CYFIP2: variants seen among roughly 807,000 people sequenced by gnomAD.
The protein encoded by CYFIP2 is cytoplasmic FMR1-interacting protein 2.
A neutral mutation model predicts 158.7 loss-of-function variants in CYFIP2; 29 were observed. That is an observed-to-expected ratio of 0.18 (90% CI 0.14 to 0.25). CYFIP2 has a LOEUF of 0.25. Ranked by LOEUF, CYFIP2 falls within the 10% of genes least tolerant of loss-of-function variation. The probability of loss-of-function intolerance (pLI) is 1.00; values close to 1 mark genes in which losing one functional copy is unlikely to be tolerated. For synonymous variants in CYFIP2, 585 were observed against 617.6 expected, an observed-to-expected ratio of 0.95 and a Z score of 0.78; for missense variants, 852 against 1,639.5, an observed-to-expected ratio of 0.52 and a Z score of 8.29.
intron 19 of CYFIP2, 81 bp downstream of exon 19, chr5:157,328,130 C>A: frequency 1.5e-6 from 2 of 1,364,530 alleles, no homozygotes; most frequent in East Asian, 2.4e-5. Context: ...TGAAACCTCC[C>A]TTCTTCTTTA....
At chr5:157,342,551 C>A in intron 23 of CYFIP2, 1 of 253,096 alleles carries the variant, frequency 4.0e-6, no homozygotes, top group Non-Finnish European at 7.5e-6. Context: ...ATTTGTCATG[C>A]AAATTTTTGC....
At chr5:157,366,585 C>G (rs994302239) in intron 26 of CYFIP2, among the ~76,000 whole-genome samples, 3 of 152,168 alleles carry the variant, frequency 2.0e-5, no homozygotes, top group Non-Finnish European at 4.4e-5. Flanking sequence ...TGTTCTGGCA[C>G]CACTTCTTGA....
At chr5:157,370,592 A>T (rs1318127032) in intron 26 of CYFIP2, among the ~76,000 whole-genome samples, 1 of 152,228 alleles carries the variant, frequency 6.6e-6, no homozygotes, top group Non-Finnish European at 1.5e-5. Context: ...AGACTTTCTC[A>T]TTAAGGTTGT....
intron 13 of CYFIP2, among the ~76,000 whole-genome samples, chr5:157,318,936 C>T (rs1244792573): frequency 6.6e-6 from 1 of 152,198 alleles, no homozygotes; most frequent in African/African-American, 2.4e-5. Flanking sequence ...GGTTTTCACC[C>T]AAGGCCACAC....
intron 1 of CYFIP2, among the ~76,000 whole-genome samples, chr5:157,272,057 A>G (rs1200877001): frequency 1.3e-5 from 2 of 152,230 alleles, no homozygotes; most frequent in African/African-American, 4.8e-5. Flanking sequence ...TGGTGTCACC[A>G]CAAAGGCCAC....
Position 157,343,516 on chromosome 5 carries a change from G to A in CYFIP2, c.2673+2359G>A, listed in dbSNP as rs141876044. 2.5e-6 allele frequency: 4 copies of A among 1,571,974 alleles called. No individual in the cohort carries two copies. The African/African-American group carries it at 5.4e-5, about 21-fold the overall frequency. ...AGATGATGGCTCCTGTATAAGAAAT[G>A]TTCCCCACCTCGATGTTCATCCCGA... On this transcript the variant is annotated intron_variant, in intron 23 of 30. Transcript: ENST00000620254.
At chr5:157,272,869 C>CTATT (rs1333793644) in intron 1 of CYFIP2, among the ~76,000 whole-genome samples, 1 of 151,992 alleles carries the variant, frequency 6.6e-6, no homozygotes, top group East Asian at 1.9e-4. Flanking sequence ...TTTTATTTAT[C>CTATT]TATTTATTTA....
At chr5:157,388,413 G>A (rs1428531024) in intron 28 of CYFIP2, among the ~76,000 whole-genome samples, 1 of 152,184 alleles carries the variant, frequency 6.6e-6, no homozygotes, top group African/African-American at 2.4e-5. Context: ...TCATGGGCAA[G>A]TTTTAAAAGT....
chr5:157,300,716 G>A lies in CYFIP2; in HGVS notation c.389G>A (p.Arg130His). 1 of 1,588,028 alleles carries A rather than the reference G, an allele frequency of 6.3e-7. No homozygotes were observed. Among genetic ancestry groups the A allele is most frequent in the Non-Finnish European group, 8.6e-7 (1 of 1,165,902 alleles). Residue 130 changes from arginine (R) to histidine (H), a missense_variant and splice_region_variant, in exon 6 of 31, where the codon CGC becomes CAC. Coordinates refer to ENST00000620254, the MANE Select transcript of CYFIP2 (RefSeq NM_001037333.3). ...TKLMKFMYFQ[R>H]KAIERFCSEV... ...TACTCACTGCCCCTCTGCCCCCAGC[G>A]CAAGGCCATCGAGCGGTTCTGCAGC...
intron 26 of CYFIP2, among the ~76,000 whole-genome samples, chr5:157,373,391 C>G (rs975795528): frequency 6.6e-6 from 1 of 152,152 alleles, no homozygotes; most frequent in Admixed American, 6.5e-5. Flanking sequence ...CTTCAGCCCC[C>G]CAGAAAGAGC....
In CYFIP2 at chr5:157,311,397, A is replaced by G. The variant is rs1172741941; in HGVS notation, c.993-267A>G. 4 of 498,044 alleles carry G rather than the reference A, an allele frequency of 8.0e-6. No individual in the cohort carries two copies. Among genetic ancestry groups the G allele is most frequent in the Non-Finnish European group, 1.5e-5 (4 of 273,452 alleles). The allele number at this position is 498,044 out of a possible 1,614,324, so 30.9% of individuals were successfully genotyped here. On this transcript the variant is annotated intron_variant, in intron 10 of 30. Coordinates refer to ENST00000620254, the MANE Select transcript of CYFIP2 (RefSeq NM_001037333.3). The surrounding 1 kb of genome is among the most constrained non-coding windows in gnomAD (Gnocchi z 4.7). ...TCCCGCCCCTCTCATATTACTGGTA[A>G]GTATTATGGACCAGGTATCTGGAAA... is the stretch of plus-strand genomic sequence containing the variant.
chr5:157,362,515 C>G (rs1177601578), intron 26 of CYFIP2: 1 of 152,274 alleles, frequency 6.6e-6, no homozygotes, highest in Non-Finnish European at 1.5e-5. Flanking sequence ...TAGCTAGGTG[C>G]CTGGAATTTC....
In CYFIP2 at chr5:157,286,365, C is replaced by CAT. The variant is rs550556220; in HGVS notation, c.118-644_118-643dup. Among the ~76,000 whole-genome samples the CAT allele has an allele frequency of 1.9e-3, 279 of 149,036 alleles. 2 individuals carry two copies. Among genetic ancestry groups the CAT allele is most frequent in the African/African-American group, 5.6e-3 (229 of 40,740 alleles). The stretch of plus-strand genomic sequence containing the variant: ...ATATATGTGTGTGTGTATATATATG[C>CAT]ATATATATATACATATATTTTTTTT... On this transcript the variant is annotated intron_variant, in intron 2 of 30. Coordinates refer to ENST00000620254, the MANE Select transcript of CYFIP2 (RefSeq NM_001037333.3).
At position 157,342,654 on chromosome 5, in the gene CYFIP2, A is replaced by G. The variant is rs560966338; in HGVS notation, c.2673+1497A>G. 1.8e-5 allele frequency: 9 copies of G among 510,744 alleles called. No individual in the cohort carries two copies. In the South Asian group the frequency reaches 3.6e-4, roughly 20 times the overall value. 31.6% of individuals were successfully genotyped at this position (510,744 alleles called of 1,614,324 possible). On this transcript the variant is annotated intron_variant, in intron 23 of 30. Coordinates refer to ENST00000620254, the MANE Select transcript of CYFIP2 (RefSeq NM_001037333.3). The stretch of plus-strand genomic sequence containing the variant: ...CCTCCGAGTGGACGCTGCTGCTGAG[A>G]TGCCTCGTTTGTGCCTTGGCATACC...
intron 21 of CYFIP2, among the ~76,000 whole-genome samples, chr5:157,337,704 T>C (rs1389339450): frequency 6.6e-6 from 1 of 152,264 alleles, no homozygotes; most frequent in Non-Finnish European, 1.5e-5. Context: ...GGCTGCCTCC[T>C]GTGGACATAT....
intron 26 of CYFIP2, among the ~76,000 whole-genome samples, chr5:157,370,304 C>G (rs568535316): frequency 6.6e-5 from 10 of 152,222 alleles, no homozygotes; most frequent in Non-Finnish European, 1.5e-4. Context: ...TTAGTTGTCA[C>G]AGTTCTTGCC....
At chr5:157,372,492 G>A (rs1045958132) in intron 26 of CYFIP2, among the ~76,000 whole-genome samples, 4 of 152,108 alleles carry the variant, frequency 2.6e-5, no homozygotes, top group African/African-American at 7.2e-5. Context: ...ACTTCAACAG[G>A]GGATCAAAAA....
chr5:157,353,897 G>A (rs190580753), intron 23 of CYFIP2, among the ~76,000 whole-genome samples: 4 of 152,342 alleles, frequency 2.6e-5, no homozygotes, highest in Admixed American at 6.5e-5. Context: ...CAAGTAAATA[G>A]GCCTTACTGT....
At chr5:157,385,495 G>C (rs1766585269) in intron 28 of CYFIP2, among the ~76,000 whole-genome samples, 1 of 152,192 alleles carries the variant, frequency 6.6e-6, no homozygotes, top group African/African-American at 2.4e-5. Context: ...CGGGAAGCTT[G>C]AGCAGTATTG....
Sources: allele counts gnomAD v4.1 joint callset (sites outside exome capture counted in the v4.1 genomes callset), GRCh38; gene constraint gnomAD v4.1.1; non-coding constraint Gnocchi (gnomAD v3.1); transcripts MANE v1.5; gene names NCBI Gene and HGNC (gene_info 2026-07-23, HGNC 2026-07-21).